Variants in ZNF609 observed in about 807,000 individuals in gnomAD.
ZNF609 encodes the protein zinc finger protein 609.
ZNF609 carries 11 observed loss-of-function variants against 109.5 expected under a neutral mutation model. The ratio of observed to expected loss-of-function variants is 0.10; its 90% CI spans 0.06 to 0.17. The LOEUF is 0.17. ZNF609 is among the 10% of genes least tolerant of loss of function. The probability of loss-of-function intolerance (pLI) is 1.00; values close to 1 mark genes in which losing one functional copy is unlikely to be tolerated. For missense variants in ZNF609, 1,559 were observed against 1,772.4 expected (o/e 0.88, Z 2.16); for synonymous variants, 646 against 662.0 (o/e 0.98, Z 0.37).
intron 2 of ZNF609, among the ~76,000 whole-genome samples, chr15:64,539,317 C>T (rs111334520): frequency 0.14 from 21,358 of 151,350 alleles, 2,868 homozygotes; most frequent in African/African-American, 0.34. Context: ...ACCCCATTCT[C>T]CTGCCTCAGC....
chr15:64,635,685 G>A (rs1896162828), intron 3 of ZNF609, among the ~76,000 whole-genome samples: 1 of 152,166 alleles, frequency 6.6e-6, no homozygotes, highest in African/African-American at 2.4e-5. Context: ...TGATAAAGCT[G>A]CTGTAACAAT....
chr15:64,474,174 C>T (rs1228750089), intron 1 of ZNF609, among the ~76,000 whole-genome samples: 2 of 151,796 alleles, frequency 1.3e-5, no homozygotes, highest in Non-Finnish European at 2.9e-5. Flanking sequence ...TCCCAAAGTG[C>T]TGGGATTACA....
intron 3 of ZNF609, among the ~76,000 whole-genome samples, chr15:64,662,042 TG>T (rs1896584956): frequency 6.7e-6 from 1 of 150,180 alleles, no homozygotes; most frequent in Non-Finnish European, 1.5e-5. Flanking sequence ...TGTAGTCAGT[TG>T]TTGACTGGGG....
intron 2 of ZNF609, among the ~76,000 whole-genome samples, chr15:64,542,542 ACATT>A (rs1894282038): frequency 6.6e-6 from 1 of 152,156 alleles, no homozygotes; most frequent in South Asian, 2.1e-4. Context: ...TTTATATTTT[ACATT>A]CATTATATTT....
intron 3 of ZNF609, among the ~76,000 whole-genome samples, chr15:64,647,625 C>G (rs1163176037): frequency 1.3e-5 from 2 of 151,900 alleles, no homozygotes; most frequent in Non-Finnish European, 2.9e-5. Flanking sequence ...ATTAAATGAC[C>G]TTCTATAACA....
chr15:64,588,223 T>C (rs1895229767), intron 2 of ZNF609, among the ~76,000 whole-genome samples: 1 of 146,958 alleles, frequency 6.8e-6, no homozygotes, highest in Non-Finnish European at 1.5e-5. Context: ...GGTCAGAAGA[T>C]TGAGACCACG....
Position 64,675,605 on chromosome 15 carries a change from A to T in ZNF609, c.2751A>T (p.Ala917=). The T allele has an allele frequency of 6.2e-7, 1 of 1,614,138 alleles. No homozygotes were observed. Among genetic ancestry groups the T allele is most frequent in the Non-Finnish European group, 8.5e-7 (1 of 1,180,036 alleles). The change falls in exon 5 of 10, where the codon GCA becomes GCT. Residue 917 remains alanine (A), a synonymous_variant. Coordinates refer to ENST00000326648, the MANE Select transcript of ZNF609 (RefSeq NM_015042.2). ...SPGALNPSSQ[A]GVESQALKTK... The stretch of plus-strand genomic sequence containing the variant: ...GGGCTCTGAACCCCAGCAGCCAGGC[A>T]GGAGTGGAGAGCCAGGCCCTGAAGA...
intron 2 of ZNF609, among the ~76,000 whole-genome samples, chr15:64,615,806 C>T (rs934248779): frequency 2.6e-5 from 4 of 152,148 alleles, no homozygotes; most frequent in African/African-American, 9.7e-5. Context: ...TTACTTTCTA[C>T]ACAATCTTAT....
chr15:64,537,593 C>A (rs1221600332), intron 2 of ZNF609, among the ~76,000 whole-genome samples: 4 of 151,380 alleles, frequency 2.6e-5, no homozygotes, highest in Non-Finnish European at 5.9e-5. Context: ...CTGTATTACA[C>A]AGAAATGTGA....
At chr15:64,680,436 C>T in intron 7 of ZNF609, 76 bp downstream of exon 7, 2 of 1,557,532 alleles carry the variant, frequency 1.3e-6, no homozygotes, top group Non-Finnish European at 1.8e-6. Flanking sequence ...AGAAGGTGGG[C>T]AAGTTCAGGT....
intron 2 of ZNF609, among the ~76,000 whole-genome samples, chr15:64,515,789 T>C (rs1893797731): frequency 6.6e-6 from 1 of 151,476 alleles, no homozygotes; most frequent in Middle Eastern, 3.4e-3. Context: ...ATACAAAAAA[T>C]TAGCCGGTCG....
chr15:64,524,647 T>C (rs1471581529), intron 2 of ZNF609, among the ~76,000 whole-genome samples: 1 of 152,128 alleles, frequency 6.6e-6, no homozygotes, highest in African/African-American at 2.4e-5. Context: ...CAGTACTCCA[T>C]TCCTTTTTAT....
chr15:64,638,043 ATATATG>A (rs931322967), intron 3 of ZNF609, among the ~76,000 whole-genome samples: 8 of 146,194 alleles, frequency 5.5e-5, no homozygotes, highest in Admixed American at 4.1e-4. Flanking sequence ...ACATATATAT[ATATATG>A]TATTTACATC....
chr15:64,595,961 G>A (rs139969646), intron 2 of ZNF609, among the ~76,000 whole-genome samples: 1 of 152,270 alleles, frequency 6.6e-6, no homozygotes, highest in East Asian at 1.9e-4. Flanking sequence ...GCTGTCCATA[G>A]TATCTTCATG....
rs376717301 is a variant in ZNF609 at position 64,655,597 on chromosome 15, C to T, written c.974-14749C>T. On this transcript the variant is annotated intron_variant, in intron 3 of 9. Coordinates refer to ENST00000326648, the MANE Select transcript of ZNF609 (RefSeq NM_015042.2). ...ATCCCAGCACTTTGGGAGGCCAAGG[C>T]GGGTGGATCACCTAAGGTCAGGAGT... Among the ~76,000 whole-genome samples, 110 of 152,192 alleles carry T rather than the reference C, an allele frequency of 7.2e-4. No individual in the cohort carries two copies. The South Asian group carries it at 0.014, about 20-fold the overall frequency.
At chr15:64,464,926 T>C (rs959259472) in intron 1 of ZNF609, among the ~76,000 whole-genome samples, 1 of 152,226 alleles carries the variant, frequency 6.6e-6, no homozygotes, top group Non-Finnish European at 1.5e-5. Flanking sequence ...ATGTGTGAAA[T>C]TGCACTTTGT....
intron 3 of ZNF609, among the ~76,000 whole-genome samples, chr15:64,657,116 G>A (rs1466499317): frequency 3.3e-5 from 5 of 151,794 alleles, no homozygotes; most frequent in Non-Finnish European, 5.9e-5. Flanking sequence ...AAAATTAGCC[G>A]GGCATGGTGA....
intron 2 of ZNF609, chr15:64,593,028 A>G: frequency 1.3e-6 from 2 of 1,585,942 alleles, no homozygotes; most frequent in Non-Finnish European, 8.6e-7. Context: ...GGCCGCGGCC[A>G]CATGCAGCCT....
Position 64,499,376 on chromosome 15 carries a change from G to T in ZNF609, c.-44G>T. On this transcript the variant is annotated 5_prime_UTR_variant, in exon 2 of 10. Transcript: ENST00000326648. ...GAAGCTGAAAATAGGAAAGCTGGGG[G>T]CAAGGAAGAGCCTTGAATCTTGAGG... 1.3e-6 allele frequency: 2 copies of T among 1,587,336 alleles called. No homozygotes were observed. Among genetic ancestry groups the T allele is most frequent in the Non-Finnish European group, 1.7e-6 (2 of 1,166,530 alleles).
Sources: gnomAD v4.1 joint callset for allele counts (sites outside exome capture counted in the v4.1 genomes callset) on GRCh38, gnomAD v4.1.1 for gene constraint, MANE v1.5 for transcripts, NCBI Gene and HGNC (gene_info 2026-07-23, HGNC 2026-07-21) for gene names.